The following AGBL3 variants were observed in gnomAD, a reference collection of about 807,000 sequenced individuals.
AGBL3 encodes the protein AGBL carboxypeptidase 3, also known as cytosolic carboxypeptidase 3.
Under a neutral mutation model 94.5 loss-of-function variants are expected in AGBL3, and 68 were observed. The observed-to-expected ratio is 0.72, with a 90% confidence interval of 0.59 to 0.88. The LOEUF is 0.88. Ranked by LOEUF, AGBL3 falls within the 40% of genes least tolerant of loss-of-function variation. The pLI is 0.00. For missense variants in AGBL3, 934 were observed against 1,103.8 expected, an observed-to-expected ratio of 0.85 and a Z score of 2.18; for synonymous variants, 354 against 370.7, an observed-to-expected ratio of 0.95 and a Z score of 0.52.
intron 16 of AGBL3, among the ~76,000 whole-genome samples, chr7:135,124,294 A>G (rs972235195): frequency 6.6e-6 from 1 of 152,182 alleles, no homozygotes; most frequent in Non-Finnish European, 1.5e-5. Flanking sequence ...ATCAAAAAAG[A>G]CAAAGAAGGG....
intron 15 of AGBL3, among the ~76,000 whole-genome samples, chr7:135,091,084 T>C (rs926430556): frequency 2.0e-5 from 3 of 152,222 alleles, no homozygotes; most frequent in Non-Finnish European, 2.9e-5. Flanking sequence ...TGGAGGTTAC[T>C]GGGATCCTCT....
At chr7:135,065,702 G>A (rs984591290) in intron 12 of AGBL3, among the ~76,000 whole-genome samples, 1 of 152,120 alleles carries the variant, frequency 6.6e-6, no homozygotes, top group Non-Finnish European at 1.5e-5. Flanking sequence ...GACCAGCCTA[G>A]GCAACAGAGT....
At chr7:135,132,993 C>A (rs1183878367) in intron 16 of AGBL3, among the ~76,000 whole-genome samples, 2 of 151,818 alleles carry the variant, frequency 1.3e-5, no homozygotes, top group Admixed American at 1.3e-4. Context: ...TAAAATGATC[C>A]CTACTGTGAA....
intron 13 of AGBL3, 76 bp downstream of exon 13, chr7:135,076,544 C>G (rs2116825824): frequency 8.9e-7 from 1 of 1,119,420 alleles, no homozygotes. Flanking sequence ...TTCTCTTATA[C>G]TTCTTATACC....
Position 135,020,386 on chromosome 7 carries a change from G to A in AGBL3, c.418+3227G>A, listed in dbSNP as rs374673338. Among the ~76,000 whole-genome samples, 26 of 152,264 alleles carry A rather than the reference G, an allele frequency of 1.7e-4. No individual in the cohort carries two copies. The East Asian group carries it at 2.9e-3, about 17-fold the overall frequency. Reference sequence around the variant, plus strand: ...ACCATCTCACACAAGTTAGAATGGCGATCATTAAAAAGTCAGGAAACAAAG... The same window carrying A: ...ACCATCTCACACAAGTTAGAATGGCAATCATTAAAAAGTCAGGAAACAAAG... On this transcript the variant is annotated intron_variant, in intron 5 of 16. Coordinates refer to ENST00000436302, the MANE Select transcript of AGBL3 (RefSeq NM_178563.4).
chr7:135,096,884 T>C (rs1822979829), intron 15 of AGBL3, among the ~76,000 whole-genome samples: 2 of 152,036 alleles, frequency 1.3e-5, no homozygotes, highest in South Asian at 4.1e-4. Flanking sequence ...ATAGAGCATA[T>C]GACAAAATAT....
intron 12 of AGBL3, among the ~76,000 whole-genome samples, chr7:135,074,230 G>C (rs1198432236): frequency 6.6e-6 from 1 of 152,036 alleles, no homozygotes; most frequent in Non-Finnish European, 1.5e-5. Flanking sequence ...TAAAGCTAGA[G>C]GGAAAAAAGC....
At position 135,034,831 on chromosome 7, in the gene AGBL3, C is replaced by A; in HGVS notation, c.1240C>A (p.Arg414Ser). 3 of 1,551,944 alleles carry A rather than the reference C, an allele frequency of 1.9e-6. No homozygotes were observed. The highest frequency in any genetic ancestry group is 2.6e-6 in the Non-Finnish European group (3 of 1,147,078). Residue 414 changes from arginine to serine, a missense_variant, in exon 7 of 17, where the codon CGC becomes AGC. This residue lies in a region of AGBL3 where 488 missense variants were observed against 563.6 expected (regional missense o/e 0.87). Transcript: ENST00000436302. ...NPDGVIVGNYRCSLAGRDLNR... is the reference protein window; with the variant it reads ...NPDGVIVGNYSCSLAGRDLNR... ...AGATGGTGTGATTGTGGGAAATTATCGCTGTTCCTTAGCTGGACGGGATTT... is the reference window on the plus strand; with the variant it reads ...AGATGGTGTGATTGTGGGAAATTATAGCTGTTCCTTAGCTGGACGGGATTT...
chr7:135,035,664 T>C (rs1212486474), intron 7 of AGBL3, among the ~76,000 whole-genome samples: 1 of 152,160 alleles, frequency 6.6e-6, no homozygotes, highest in African/African-American at 2.4e-5. Flanking sequence ...AAATCCAAAC[T>C]GTTTCTAAAG....
intron 15 of AGBL3, among the ~76,000 whole-genome samples, chr7:135,096,755 GAA>G (rs1491425391): frequency 1.5e-5 from 2 of 132,288 alleles, no homozygotes; most frequent in Non-Finnish European, 3.2e-5. Context: ...AAGAAAGAAA[GAA>G]AGAAAGAAAG....
chr7:135,106,403 A>T (rs1029535029), intron 15 of AGBL3, among the ~76,000 whole-genome samples: 2 of 152,156 alleles, frequency 1.3e-5, no homozygotes, highest in Admixed American at 6.5e-5. Flanking sequence ...ATACTAGTTT[A>T]TTGAGAGTTT....
intron 7 of AGBL3, among the ~76,000 whole-genome samples, chr7:135,035,688 T>A (rs1432303477): frequency 6.6e-6 from 1 of 152,252 alleles, no homozygotes; most frequent in African/African-American, 2.4e-5. Flanking sequence ...TTCAAATTAA[T>A]CTAAGATGAG....
chr7:135,067,802 A>G (rs1200188060), intron 12 of AGBL3, among the ~76,000 whole-genome samples: 1 of 152,210 alleles, frequency 6.6e-6, no homozygotes, highest in African/African-American at 2.4e-5. Flanking sequence ...AACAGAGCAG[A>G]AAAACTGGAA....
chr7:135,009,319 C>G (rs1339304055), intron 4 of AGBL3, among the ~76,000 whole-genome samples: 2 of 152,130 alleles, frequency 1.3e-5, no homozygotes, highest in South Asian at 4.1e-4. Context: ...GGTACTGATA[C>G]ATGGTACAAC....
At chr7:135,104,149 T>C (rs950920080) in intron 15 of AGBL3, among the ~76,000 whole-genome samples, 2 of 152,166 alleles carry the variant, frequency 1.3e-5, no homozygotes, top group Non-Finnish European at 2.9e-5. Flanking sequence ...CTCCCACTTA[T>C]AAGTGACAAC....
chr7:135,102,625 G>GTT lies in AGBL3; in HGVS notation c.2111-12744_2111-12743dup, dbSNP rs57957640. 9.9e-4 allele frequency among the ~76,000 whole-genome samples: 144 copies of GTT among 145,050 alleles called. 1 individual carries two copies. The highest frequency in any genetic ancestry group is 3.6e-3 in the Admixed American group (53 of 14,598). On this transcript the variant is annotated intron_variant, in intron 15 of 16. Coordinates refer to ENST00000436302, the MANE Select transcript of AGBL3 (RefSeq NM_178563.4). ...GAGAACTTTGGTCCTTTCTCTTGTGGTTTTTTTTTTTTCATTGCTCTAATG... is the reference window on the plus strand; with the variant it reads ...GAGAACTTTGGTCCTTTCTCTTGTGGTTTTTTTTTTTTTTCATTGCTCTAATG...
At chr7:135,012,054 T>G (rs1457296694) in intron 4 of AGBL3, 1 of 152,182 alleles carries the variant, frequency 6.6e-6, no homozygotes, top group African/African-American at 2.4e-5. Context: ...TGTAACATTT[T>G]GTACAATATT....
At chr7:135,062,788 A>G (rs1489892951) in intron 12 of AGBL3, among the ~76,000 whole-genome samples, 1 of 151,966 alleles carries the variant, frequency 6.6e-6, no homozygotes, top group Non-Finnish European at 1.5e-5. Context: ...AGATTTTTGC[A>G]TCTATGCTTC....
intron 16 of AGBL3, chr7:135,129,531 T>C: frequency 1.3e-6 from 1 of 772,182 alleles, no homozygotes; most frequent in South Asian, 1.3e-5. Flanking sequence ...CAAGATGACA[T>C]GTACTGGCTG....
Sources: gnomAD v4.1 joint callset for allele counts (sites outside exome capture counted in the v4.1 genomes callset) on GRCh38, gnomAD v4.1.1 for gene constraint, gnomAD v4.1.1 regional missense constraint, MANE v1.5 for transcripts, NCBI Gene and HGNC (gene_info 2026-07-23, HGNC 2026-07-21) for gene names.